NPIPA5: variants seen among roughly 807,000 people sequenced by gnomAD.
NPIPA5 encodes nuclear pore complex interacting protein family member A5, also known as nuclear pore complex-interacting protein family member A5.
NPIPA5 carries 6 observed loss-of-function variants against 21.4 expected under a neutral mutation model. The ratio of observed to expected loss-of-function variants is 0.28; its 90% CI spans 0.15 to 0.55. The LOEUF is 0.55. Ranked by LOEUF, NPIPA5 falls within the 20% of genes least tolerant of loss-of-function variation. The pLI, the probability that NPIPA5 is intolerant of heterozygous loss-of-function variation, is 0.93. For missense variants in NPIPA5, 99 were observed against 318.2 expected (o/e 0.31, Z 5.24); for synonymous variants, 33 against 115.3 (o/e 0.29, Z 4.57).
intron 1 of NPIPA5, among the ~76,000 whole-genome samples, chr16:15,376,198 G>A (rs2050287461): frequency 6.7e-6 from 1 of 149,520 alleles, no homozygotes; most frequent in South Asian, 2.1e-4. Flanking sequence ...GAGACTGGCT[G>A]GGAAGAGTGA....
chr16:15,380,130 C>A (rs2050404018), upstream of NPIPA5, among the ~76,000 whole-genome samples: 1 of 151,454 alleles, frequency 6.6e-6, no homozygotes, highest in African/African-American at 2.4e-5. Context: ...GTAGACTGCA[C>A]AGAGCATTCA....
chr16:15,369,032 G>A (rs1390412855), intron 4 of NPIPA5, among the ~76,000 whole-genome samples: 3 of 140,840 alleles, frequency 2.1e-5, no homozygotes, highest in Non-Finnish European at 3.0e-5. Context: ...GCACACACCT[G>A]TAATCCAAGC....
rs375532373 is a variant in NPIPA5 at position 15,375,466 on chromosome 16, G to A, written c.64-1623C>T. Among the ~76,000 whole-genome samples the A allele has an allele frequency of 2.0e-3, 299 of 151,442 alleles. 2 individuals carry two copies. Among genetic ancestry groups the A allele is most frequent in the African/African-American group, 6.9e-3 (286 of 41,354 alleles). On this transcript the variant is annotated intron_variant, in intron 1 of 7. Coordinates refer to ENST00000360151, the MANE Select transcript of NPIPA5 (RefSeq NM_001277325.2). Reference sequence around the variant, plus strand: ...TTCTTAAAAAGTAACAAGGTGGGCCGGGCGTGGTGGCTCACGCCTGCAATC... The same window carrying A: ...TTCTTAAAAAGTAACAAGGTGGGCCAGGCGTGGTGGCTCACGCCTGCAATC...
intron 4 of NPIPA5, among the ~76,000 whole-genome samples, chr16:15,369,481 A>T (rs971073602): frequency 6.6e-6 from 1 of 151,904 alleles, no homozygotes; most frequent in Admixed American, 6.6e-5. Flanking sequence ...AGAAAGGAAA[A>T]CCAATGCCAG....
chr16:15,379,985 C>CTGTGTG (rs370938234), upstream of NPIPA5, among the ~76,000 whole-genome samples: 26 of 143,538 alleles, frequency 1.8e-4, no homozygotes, highest in African/African-American at 6.3e-4. Flanking sequence ...GTGTGTGTGT[C>CTGTGTG]TGTGTGTGTG....
Position 15,363,971 on chromosome 16 carries a change from TG to T in NPIPA5, c.740del (p.Pro247HisfsTer10), listed in dbSNP as rs2049927348. 6.3e-7 allele frequency: 1 copy of T among 1,590,372 alleles called. No individual in the cohort carries two copies. The highest frequency in any genetic ancestry group is 1.1e-5 in the South Asian group (1 of 90,692). On this transcript the variant is annotated frameshift_variant, in exon 8 of 8. Transcript: ENST00000360151. LOFTEE classifies it high-confidence loss of function. ...ETLKNRMGHQ[P>X]PPPTQQHSII... Reference sequence around the variant, plus strand: ...TAGAATGTTGTTGAGTTGGAGGAGGTGGCTGGTGGCCCATCCTGTTTTTTAA... The same window carrying T: ...TAGAATGTTGTTGAGTTGGAGGAGGTGCTGGTGGCCCATCCTGTTTTTTAA...
At chr16:15,381,405 T>C, upstream of NPIPA5, 1 of 557,616 alleles carries the variant, frequency 1.8e-6, no homozygotes, top group Middle Eastern at 8.6e-4. Context: ...TATTATTGGA[T>C]ATACAGTTCT....
Position 15,363,829 on chromosome 16 carries a change from G to T in NPIPA5, c.883C>A (p.Pro295Thr), listed in dbSNP as rs764690715. 6.4e-7 allele frequency: 1 copy of T among 1,561,982 alleles called. No homozygotes were observed. The highest frequency in any genetic ancestry group is 1.2e-5 in the South Asian group (1 of 86,170). ...TCATCCGCTGAGGGTAGAGCTGAGG[G>T]TGGAAGGGGAGTGAGCAGACACTCG... ...PPECLLTPLP[P>T]SALPSADDNL... The change falls in exon 8 of 8, where the codon CCC becomes ACC. Residue 295 changes from proline to threonine, a missense_variant. By Grantham distance (38) the Pro-to-Thr change is conservative (BLOSUM62 -1). Coordinates refer to ENST00000360151, the MANE Select transcript of NPIPA5 (RefSeq NM_001277325.2).
At chr16:15,377,085 C>T (rs901037940) in intron 1 of NPIPA5, among the ~76,000 whole-genome samples, 3 of 151,816 alleles carry the variant, frequency 2.0e-5, no homozygotes, top group Non-Finnish European at 4.4e-5. Flanking sequence ...GGGGCCATCT[C>T]GGCTCACTGC....
Position 15,366,801 on chromosome 16 carries a change from G to C in NPIPA5, c.438-41C>G, listed in dbSNP as rs980922975. ...ATGCACACACATGATCCACCAGCCCGTGTGGGATTCCCTCTGCCCTTCTGG... is the reference window on the plus strand; with the variant it reads ...ATGCACACACATGATCCACCAGCCCCTGTGGGATTCCCTCTGCCCTTCTGG... On this transcript the variant is annotated intron_variant, in intron 4 of 7. Coordinates refer to ENST00000360151, the MANE Select transcript of NPIPA5 (RefSeq NM_001277325.2). 4.7e-6 allele frequency: 7 copies of C among 1,496,862 alleles called. No individual in the cohort carries two copies. In the African/African-American group the frequency reaches 8.5e-5, roughly 18 times the overall value. 92.7% of individuals were successfully genotyped at this position (1,496,862 alleles called of 1,614,324 possible). A position where few individuals can be genotyped will look rare whatever the true frequency, so the allele number is the denominator to read the frequency against.
intron 2 of NPIPA5, among the ~76,000 whole-genome samples, chr16:15,372,290 G>C (rs2050178086): frequency 6.8e-6 from 1 of 147,406 alleles, no homozygotes; most frequent in African/African-American, 2.5e-5. Flanking sequence ...TTTGAGACTA[G>C]CCTGGCCAAC....
At chr16:15,368,369 G>A (rs2050037802) in intron 4 of NPIPA5, among the ~76,000 whole-genome samples, 1 of 151,998 alleles carries the variant, frequency 6.6e-6, no homozygotes, top group Admixed American at 6.6e-5. Context: ...GAGGACCCCT[G>A]ACCATCCCCC....
chr16:15,377,741 C>T lies in NPIPA5; in HGVS notation c.63+491G>A, dbSNP rs1374931963. On this transcript the variant is annotated intron_variant, in intron 1 of 7. Transcript: ENST00000360151. ...AGGAGGAGGAGGAGAAGAAAGGGGT[C>T]TGGGAAAGGATCCGGTTCAAATTAA... Among the ~76,000 whole-genome samples, 3 of 137,900 alleles carry T rather than the reference C, an allele frequency of 2.2e-5. No individual in the cohort carries two copies. In the East Asian group the frequency reaches 6.8e-4, roughly 31 times the overall value. 90.5% of individuals were successfully genotyped at this position (137,900 alleles called of 152,430 possible). A position where few individuals can be genotyped will look rare whatever the true frequency, so the allele number is the denominator to read the frequency against.
At chr16:15,374,944 TG>T (rs1429481342) in intron 1 of NPIPA5, among the ~76,000 whole-genome samples, 5 of 149,032 alleles carry the variant, frequency 3.4e-5, no homozygotes, top group African/African-American at 1.2e-4. Flanking sequence ...CTTTTATTTT[TG>T]TTTTGAGACA....
chr16:15,380,011 G>C (rs1437579186), upstream of NPIPA5, among the ~76,000 whole-genome samples: 1 of 150,504 alleles, frequency 6.6e-6, no homozygotes, highest in Admixed American at 6.6e-5. Flanking sequence ...GTGTGTGTGT[G>C]TATCTCTATA....
intron 1 of NPIPA5, among the ~76,000 whole-genome samples, chr16:15,375,867 CCT>C (rs1406003693): frequency 1.3e-5 from 2 of 151,828 alleles, no homozygotes; most frequent in African/African-American, 4.8e-5. Flanking sequence ...AAAGACTTCC[CCT>C]GAGTAAGTTC....
chr16:15,379,462 G>A (rs770585611), upstream of NPIPA5, among the ~76,000 whole-genome samples: 1 of 151,832 alleles, frequency 6.6e-6, no homozygotes, highest in African/African-American at 2.4e-5. Context: ...ACCTACTTGG[G>A]AGGCTGAGGC....
In NPIPA5 at chr16:15,368,332, C is replaced by G. The variant is rs1065004; in HGVS notation, c.437+1380G>C. Among the ~76,000 whole-genome samples, 44 of 151,970 alleles carry G rather than the reference C, an allele frequency of 2.9e-4. 1 individual carries two copies. Among genetic ancestry groups the G allele is most frequent in the South Asian group, 1.0e-3 (5 of 4,818 alleles). On this transcript the variant is annotated intron_variant, in intron 4 of 7. Transcript: ENST00000360151. ...GGCCTTTGTAGGGACTGAGCCTGCA[C>G]AGACGACCTCAATTGCAGCCTGTAT...
At chr16:15,370,779 G>A (rs1485360628) in intron 2 of NPIPA5, among the ~76,000 whole-genome samples, 6 of 147,736 alleles carry the variant, frequency 4.1e-5, no homozygotes, top group South Asian at 2.2e-4. Context: ...GGCCAGGTGC[G>A]GTAGCTCACG....
Sources: gnomAD v4.1 joint callset for allele counts (sites outside exome capture counted in the v4.1 genomes callset) on GRCh38, gnomAD v4.1.1 for gene constraint, MANE v1.5 for transcripts, NCBI Gene and HGNC (gene_info 2026-07-23, HGNC 2026-07-21) for gene names.